GPC3: variants seen among roughly 807,000 people sequenced by gnomAD.
GPC3 encodes glypican-3.
Under a neutral mutation model 34.4 loss-of-function variants are expected in GPC3, and 3 were observed. That is an observed-to-expected ratio of 0.09 (90% CI 0.04 to 0.23). The LOEUF (loss-of-function observed/expected upper bound fraction) is 0.23, where lower values mean the gene tolerates loss of function less well. Ranked by LOEUF, GPC3 falls within the 10% of genes least tolerant of loss-of-function variation. GPC3 has a pLI of 1.00. For missense variants in GPC3, 351 were observed against 445.6 expected (o/e 0.79, Z 1.91); for synonymous variants, 177 against 174.0 (o/e 1.02, Z -0.13).
At chrX:133,871,067 A>G (rs1034098152) in intron 2 of GPC3, among the ~76,000 whole-genome samples, 1 of 111,436 alleles carries the variant, frequency 9.0e-6, no homozygotes. Context: ...GGATTTCTCT[A>G]TAAGTCTCAA....
intron 5 of GPC3, among the ~76,000 whole-genome samples, chrX:133,689,614 C>T (rs2071042707): frequency 8.9e-6 from 1 of 111,967 alleles, no homozygotes; most frequent in Non-Finnish European, 1.9e-5. Context: ...GAAGATAAAT[C>T]CAGCAGGGTT....
At chrX:133,641,561 G>T (rs2124380892) in intron 6 of GPC3, among the ~76,000 whole-genome samples, 1 of 110,902 alleles carries the variant, frequency 9.0e-6, no homozygotes, top group Non-Finnish European at 1.9e-5. Flanking sequence ...GAGGCCAGGG[G>T]ATGGTGAGAG....
At chrX:133,548,128 T>C (rs79799021) in intron 7 of GPC3, among the ~76,000 whole-genome samples, 3 of 112,468 alleles carry the variant, frequency 2.7e-5, no homozygotes, top group Admixed American at 9.5e-5. Flanking sequence ...TCATTTAGAT[T>C]CACAGAGCTC....
chrX:133,974,607 C>A (rs1486276452), intron 1 of GPC3, among the ~76,000 whole-genome samples: 1 of 110,903 alleles, frequency 9.0e-6, no homozygotes, highest in Non-Finnish European at 1.9e-5. Flanking sequence ...CAGATGTTGG[C>A]AAAATACATT....
At chrX:133,981,092 T>A (rs2124652696) in intron 1 of GPC3, among the ~76,000 whole-genome samples, 1 of 112,828 alleles carries the variant, frequency 8.9e-6, no homozygotes, top group East Asian at 2.8e-4. Context: ...ATTAAGAAAC[T>A]CTTTTTAAGA....
At chrX:133,856,238 G>A (rs1396041307) in intron 2 of GPC3, among the ~76,000 whole-genome samples, 1 of 111,136 alleles carries the variant, frequency 9.0e-6, no homozygotes, top group South Asian at 3.9e-4. Flanking sequence ...CCCACCAACA[G>A]TATACAAGAG....
At chrX:133,892,929 C>T (rs1324616661) in intron 2 of GPC3, among the ~76,000 whole-genome samples, 1 of 111,679 alleles carries the variant, frequency 9.0e-6, no homozygotes, top group Non-Finnish European at 1.9e-5. Flanking sequence ...ATCTCTGAGT[C>T]TCAGTCTTTC....
intron 1 of GPC3, among the ~76,000 whole-genome samples, chrX:133,973,340 T>A (rs1437534178): frequency 8.9e-6 from 1 of 112,828 alleles, no homozygotes; most frequent in Non-Finnish European, 1.9e-5. Flanking sequence ...AGTTTCTTCA[T>A]CTGTAAAATG....
chrX:133,896,512 A>G (rs1208438491), intron 2 of GPC3, among the ~76,000 whole-genome samples: 1 of 112,057 alleles, frequency 8.9e-6, no homozygotes, highest in Non-Finnish European at 1.9e-5. Flanking sequence ...CAAGAGAAAT[A>G]TAATTCATTA....
chrX:133,634,022 T>C, intron 6 of GPC3, among the ~76,000 whole-genome samples: 1 of 112,069 alleles, frequency 8.9e-6, no homozygotes, highest in Non-Finnish European at 1.9e-5. Flanking sequence ...AAAAACTATT[T>C]GAATAGATAT....
intron 2 of GPC3, among the ~76,000 whole-genome samples, chrX:133,771,554 G>A (rs1477484981): frequency 8.9e-6 from 1 of 112,052 alleles, no homozygotes; most frequent in East Asian, 2.8e-4. Context: ...GTCTAGAATA[G>A]TGAAGTTGAC....
intron 7 of GPC3, among the ~76,000 whole-genome samples, chrX:133,575,597 G>T (rs1039252395): frequency 3.6e-5 from 4 of 111,810 alleles, no homozygotes. Context: ...CCTCTAGCCT[G>T]GCTGCTTGCT....
At chrX:133,587,868 C>A (rs1261350160) in intron 7 of GPC3, among the ~76,000 whole-genome samples, 2 of 111,733 alleles carry the variant, frequency 1.8e-5, no homozygotes, top group Non-Finnish European at 3.8e-5. Context: ...CTCAGAGGAA[C>A]TGACTGACTT....
At chrX:133,875,447 G>A (rs978928440) in intron 2 of GPC3, among the ~76,000 whole-genome samples, 4 of 111,394 alleles carry the variant, frequency 3.6e-5, no homozygotes, top group African/African-American at 3.3e-5. Flanking sequence ...TGTATCCCCC[G>A]CCTGCCTTTT....
intron 2 of GPC3, among the ~76,000 whole-genome samples, chrX:133,868,162 T>C (rs2075977063): frequency 8.9e-6 from 1 of 111,815 alleles, no homozygotes; most frequent in Non-Finnish European, 1.9e-5. Flanking sequence ...CATCTGTGGA[T>C]GGCAAGGTTA....
chrX:133,692,622 A>T lies in GPC3; in HGVS notation c.1167-128T>A, dbSNP rs920800813. 2.1e-5 allele frequency: 12 copies of T among 577,550 alleles called. 1 individual carries two copies. Among genetic ancestry groups the T allele is most frequent in the Middle Eastern group, 4.4e-4 (1 of 2,292 alleles). 47.6% of individuals were successfully genotyped at this position (577,550 alleles called of 1,213,427 possible). ...TTAGAGCAATAAATGACTTTTAAAG[A>T]CATTCTTGGCTACAAGGCCACAGTT... On this transcript the variant is annotated intron_variant, in intron 4 of 7. Coordinates refer to ENST00000370818, the MANE Select transcript of GPC3 (RefSeq NM_004484.4).
At chrX:133,880,670 G>T (rs1243392935) in intron 2 of GPC3, among the ~76,000 whole-genome samples, 2 of 111,955 alleles carry the variant, frequency 1.8e-5, no homozygotes, top group Non-Finnish European at 3.8e-5. Context: ...CCAGGAAATT[G>T]TGAATGAGAT....
chrX:133,684,793 C>T (rs1341160015), intron 5 of GPC3, among the ~76,000 whole-genome samples: 1 of 110,917 alleles, frequency 9.0e-6, no homozygotes, highest in African/African-American at 3.3e-5. Flanking sequence ...GCAACTGCTG[C>T]GTACCACTGG....
intron 2 of GPC3, among the ~76,000 whole-genome samples, chrX:133,776,377 C>T (rs972724154): frequency 1.8e-5 from 2 of 111,059 alleles, no homozygotes; most frequent in African/African-American, 6.5e-5. Context: ...GTCTCGTCTA[C>T]GCATAGATCC....
Sources: allele counts gnomAD v4.1 joint callset (sites outside exome capture counted in the v4.1 genomes callset), GRCh38; gene constraint gnomAD v4.1.1; transcripts MANE v1.5; gene names NCBI Gene and HGNC (gene_info 2026-07-23, HGNC 2026-07-21).